The following TENM2 variants were observed in gnomAD, a reference collection of about 807,000 sequenced individuals.
TENM2 encodes the protein teneurin transmembrane protein 2, also known as teneurin-2.
In TENM2, 52 loss-of-function variants were observed where a neutral mutation model predicts 245.2. The observed-to-expected ratio is 0.21, with a 90% CI of 0.17 to 0.27. TENM2 has a LOEUF of 0.27. Ranked by LOEUF, TENM2 falls within the 10% of genes least tolerant of loss-of-function variation. The pLI is 1.00. For missense variants in TENM2, 3,046 were observed against 3,666.8 expected, an observed-to-expected ratio of 0.83 and a Z score of 4.37; for synonymous variants, 1,363 against 1,438.9, an observed-to-expected ratio of 0.95 and a Z score of 1.19.
chr5:167,465,289 A>G (rs1766573789), intron 2 of TENM2, among the ~76,000 whole-genome samples: 1 of 152,226 alleles, frequency 6.6e-6, no homozygotes, highest in Non-Finnish European at 1.5e-5. Flanking sequence ...GTGAGATGCT[A>G]TTAAAGATGA....
chr5:167,800,397 C>G (rs1322686606), intron 2 of TENM2, among the ~76,000 whole-genome samples: 1 of 152,152 alleles, frequency 6.6e-6, no homozygotes, highest in Non-Finnish European at 1.5e-5. Flanking sequence ...GTGGAACACC[C>G]AAGACCAGAT....
At chr5:167,289,287 G>A (rs1754504626) in intron 1 of TENM2, among the ~76,000 whole-genome samples, 1 of 152,206 alleles carries the variant, frequency 6.6e-6, no homozygotes, top group African/African-American at 2.4e-5. Flanking sequence ...CAGGTAAGTA[G>A]AACTGACTTG....
intron 2 of TENM2, among the ~76,000 whole-genome samples, chr5:167,445,347 A>AGG (rs1254648529): frequency 2.4e-5 from 3 of 125,870 alleles, no homozygotes; most frequent in Non-Finnish European, 5.2e-5. Flanking sequence ...AGAGAGAGAG[A>AGG]GAGAGAGAGA....
chr5:168,196,159 A>AT (rs755342826), intron 15 of TENM2, among the ~76,000 whole-genome samples: 136 of 152,202 alleles, frequency 8.9e-4, no homozygotes, highest in Non-Finnish European at 1.6e-3. Context: ...AAGAACAGGG[A>AT]TTTTTTACCT....
At position 168,088,771 on chromosome 5, in the gene TENM2, G is replaced by A. The variant is rs140272042; in HGVS notation, c.1516-1803G>A. 8.0e-4 allele frequency among the ~76,000 whole-genome samples: 122 copies of A among 152,328 alleles called. 1 individual carries two copies. The highest frequency in any genetic ancestry group is 6.8e-3 in the Middle Eastern group (2 of 294). On this transcript the variant is annotated intron_variant, in intron 7 of 28. Transcript: ENST00000518659. Reference sequence around the variant, plus strand: ...AATTCAAACCCAGGTTTGTCTGATGGCAAAGCCTTTGTGTTTAAGATTATA... The same window carrying A: ...AATTCAAACCCAGGTTTGTCTGATGACAAAGCCTTTGTGTTTAAGATTATA...
intron 7 of TENM2, among the ~76,000 whole-genome samples, chr5:168,089,672 C>T (rs936268210): frequency 6.6e-6 from 1 of 152,186 alleles, no homozygotes; most frequent in Non-Finnish European, 1.5e-5. Context: ...TGCTTGGCCA[C>T]TTAGGAGCTG....
At chr5:167,831,168 C>T (rs543554567) in intron 2 of TENM2, among the ~76,000 whole-genome samples, 2 of 152,094 alleles carry the variant, frequency 1.3e-5, no homozygotes, top group South Asian at 4.2e-4. Flanking sequence ...CTAACTATGA[C>T]CTCTGATTAG....
At chr5:167,831,034 T>C (rs1768426696) in intron 2 of TENM2, among the ~76,000 whole-genome samples, 2 of 152,194 alleles carry the variant, frequency 1.3e-5, no homozygotes, top group South Asian at 4.1e-4. Flanking sequence ...TGAGTTTCCT[T>C]GTCAATATGT....
intron 9 of TENM2, among the ~76,000 whole-genome samples, chr5:168,099,436 C>A (rs1421741285): frequency 6.6e-6 from 1 of 152,150 alleles, no homozygotes; most frequent in African/African-American, 2.4e-5. Flanking sequence ...GGAGTTACTT[C>A]CTAGGTTTAT....
At chr5:167,874,813 C>T (rs544514205) in intron 2 of TENM2, among the ~76,000 whole-genome samples, 4 of 152,280 alleles carry the variant, frequency 2.6e-5, no homozygotes, top group East Asian at 1.9e-4. Flanking sequence ...ACCCAAGGGC[C>T]GCTCCATGTC....
At chr5:168,133,051 G>C (rs1021070649) in intron 12 of TENM2, among the ~76,000 whole-genome samples, 2 of 152,182 alleles carry the variant, frequency 1.3e-5, no homozygotes, top group Non-Finnish European at 2.9e-5. Context: ...ATATCCTGGA[G>C]CAAGTCACCA....
At chr5:168,073,151 A>G (rs1230340659) in intron 7 of TENM2, among the ~76,000 whole-genome samples, 1 of 152,172 alleles carries the variant, frequency 6.6e-6, no homozygotes, top group Admixed American at 6.5e-5. Flanking sequence ...ATGCTCTTGT[A>G]TGTTTCCTGG....
chr5:167,059,431 T>A, the TENM2 span, among the ~76,000 whole-genome samples: 1 of 152,360 alleles, frequency 6.6e-6, no homozygotes, highest in South Asian at 2.1e-4. Flanking sequence ...ATACTGGATA[T>A]ACTTAACAGT....
At chr5:167,854,296 C>T (rs1048429117) in intron 2 of TENM2, among the ~76,000 whole-genome samples, 1 of 152,108 alleles carries the variant, frequency 6.6e-6, no homozygotes, top group South Asian at 2.1e-4. Flanking sequence ...GAGAACAAGA[C>T]CAAAATTAAT....
the TENM2 span, among the ~76,000 whole-genome samples, chr5:167,183,900 C>T: frequency 6.6e-6 from 1 of 152,106 alleles, no homozygotes; most frequent in Non-Finnish European, 1.5e-5. Context: ...TTTAAGTACA[C>T]ACCTAATTTT....
At chr5:167,135,493 T>C in the TENM2 span, among the ~76,000 whole-genome samples, 1 of 152,080 alleles carries the variant, frequency 6.6e-6, no homozygotes, top group Non-Finnish European at 1.5e-5. Flanking sequence ...GTGGCGTGTA[T>C]TGGCCGGGTG....
chr5:167,259,478 T>C, the TENM2 span, among the ~76,000 whole-genome samples: 1 of 152,204 alleles, frequency 6.6e-6, no homozygotes, highest in Non-Finnish European at 1.5e-5. Context: ...TCATGCCAGA[T>C]ATGGCTATAG....
chr5:168,202,142 T>C (rs1032425449), intron 17 of TENM2, among the ~76,000 whole-genome samples: 3 of 152,210 alleles, frequency 2.0e-5, no homozygotes, highest in African/African-American at 4.8e-5. Flanking sequence ...AAAATGATAG[T>C]TTAATTCTGT....
At chr5:168,141,270 GC>G (rs1271639754) in intron 12 of TENM2, among the ~76,000 whole-genome samples, 2 of 152,058 alleles carry the variant, frequency 1.3e-5, no homozygotes, top group East Asian at 3.9e-4. Context: ...CTCAGATCAG[GC>G]TACTGATTTC....
Sources: gnomAD v4.1 joint callset for allele counts (sites outside exome capture counted in the v4.1 genomes callset) on GRCh38, gnomAD v4.1.1 for gene constraint, MANE v1.5 for transcripts, NCBI Gene and HGNC (gene_info 2026-07-23, HGNC 2026-07-21) for gene names.